The following LANCL1 variants were observed in gnomAD, a reference collection of about 807,000 sequenced individuals.
The protein encoded by LANCL1 is LanC like glutathione S-transferase 1.
In LANCL1, 50 loss-of-function variants were observed where a neutral mutation model predicts 50.6. That is an observed-to-expected ratio of 0.99 (90% CI 0.79 to 1.25). The LOEUF is 1.25. LANCL1 is among the 50% of genes most tolerant of loss of function. The pLI is 0.00. For missense variants in LANCL1, 532 were observed against 480.7 expected (o/e 1.11, Z -1.00); for synonymous variants, 188 against 178.6 (o/e 1.05, Z -0.42).
At chr2:210,461,748 A>AT (rs55934873) in intron 3 of LANCL1, among the ~76,000 whole-genome samples, 63,650 of 144,934 alleles carry the variant, frequency 0.44, 14,204 homozygotes, top group East Asian at 0.63. Flanking sequence ...TCCTGTATGT[A>AT]TTTTTTTTTT....
Position 210,434,453 on chromosome 2 carries a change from T to A in LANCL1, c.*34A>T. 6.4e-7 allele frequency: 1 copy of A among 1,551,766 alleles called. No homozygotes were observed. ...CTTGGGTTTGAATATACAGAAAGGG[T>A]CATGCAGTGAGTTGCAGGTGGCATG... On this transcript the variant is annotated 3_prime_UTR_variant, in exon 10 of 10. Transcript: ENST00000450366.
chr2:210,436,167 C>T lies in LANCL1; in HGVS notation c.1050+49G>A, dbSNP rs374131613. The T allele has an allele frequency of 5.2e-6, 8 of 1,546,076 alleles. 1 individual carries two copies. In the African/African-American group the frequency reaches 9.5e-5, roughly 18 times the overall value. The stretch of plus-strand genomic sequence containing the variant: ...CAGCCTCCCAAAGTGCTGAGATTTA[C>T]AGGTGTGAGCCACCGAGCTGCTTTC... On this transcript the variant is annotated intron_variant, in intron 8 of 9. Coordinates refer to ENST00000450366, the MANE Select transcript of LANCL1 (RefSeq NM_006055.3).
At chr2:210,452,338 C>A (rs1166848931) in intron 4 of LANCL1, among the ~76,000 whole-genome samples, 1 of 152,040 alleles carries the variant, frequency 6.6e-6, no homozygotes, top group Non-Finnish European at 1.5e-5. Flanking sequence ...TAAGTACTGG[C>A]CCCAAAGCAC....
At chr2:210,461,719 A>G (rs895260974) in intron 3 of LANCL1, among the ~76,000 whole-genome samples, 1 of 151,412 alleles carries the variant, frequency 6.6e-6, no homozygotes, top group East Asian at 2.0e-4. Context: ...CATGTCTTTC[A>G]GAACAGAAGT....
chr2:210,476,654 C>T lies in LANCL1; in HGVS notation c.-51G>A, dbSNP rs1694390221. 8.0e-7 allele frequency: 1 copy of T among 1,246,880 alleles called. No homozygotes were observed. The highest frequency in any genetic ancestry group is 2.4e-5 in the South Asian group (1 of 41,908). The allele number at this position is 1,246,880 out of a possible 1,614,324, so 77.2% of individuals were successfully genotyped here. A position where few individuals can be genotyped will look rare whatever the true frequency, so the allele number is the denominator to read the frequency against. On this transcript the variant is annotated 5_prime_UTR_variant, in exon 1 of 10. Transcript: ENST00000450366. ...GAGGCCCCGTTTTGCAACCCCGTTC[C>T]CACGCCCGCGACTTGAAGCAAGTGC...
rs755320550 is a variant in LANCL1, at chr2:210,436,392, C to A, written c.874G>T (p.Val292Leu). Reference protein sequence around the residue: ...VIYMLIQAYKVFREEKYLCDA... With the variant: ...VIYMLIQAYKLFREEKYLCDA... ...CAGAGATACTTTTCCTCTCTGAATA[C>A]CTGCAGAGGCAAAGGACACATTTTA... is the stretch of plus-strand genomic sequence containing the variant. The change falls in exon 8 of 10, where the codon GTA (valine) becomes TTA (leucine). Residue 292 changes from valine to leucine, a missense_variant and splice_region_variant. Transcript: ENST00000450366. 6 of 1,612,726 alleles carry A rather than the reference C, an allele frequency of 3.7e-6. No individual in the cohort carries two copies. The highest frequency in any genetic ancestry group is 3.3e-5 in the Admixed American group (2 of 59,980).
At chr2:210,442,318 T>G (rs1043768124) in intron 4 of LANCL1, among the ~76,000 whole-genome samples, 4 of 152,350 alleles carry the variant, frequency 2.6e-5, no homozygotes, top group African/African-American at 7.2e-5. Flanking sequence ...TTTGTGTGTA[T>G]TCCTAGATTT....
In LANCL1 at chr2:210,437,760, T is replaced by C; in HGVS notation, c.803A>G (p.Asn268Ser). The C allele has an allele frequency of 6.2e-7, 1 of 1,612,916 alleles. No homozygotes were observed. The highest frequency in any genetic ancestry group is 1.3e-5 in the African/African-American group (1 of 75,022). The change falls in exon 7 of 10, where the codon AAT (asparagine) becomes AGT (serine). Residue 268 changes from asparagine (N) to serine (S), a missense_variant. By Grantham distance (46) the Asn-to-Ser change is conservative (BLOSUM62 1). Coordinates refer to ENST00000450366, the MANE Select transcript of LANCL1 (RefSeq NM_006055.3). ...SGNYPPCIGD[N>S]RDLLVHWCHG... is the part of the protein sequence containing the mutation. ...GCACCAATGGACAAGCAGATCTCGA[T>C]TATCACCTATACATGGAGGGTAATT...
Position 210,434,416 on chromosome 2 carries a change from G to A in LANCL1, c.*71C>T, listed in dbSNP as rs1428587365. The A allele has an allele frequency of 6.1e-6, 7 of 1,152,228 alleles. No individual in the cohort carries two copies. The highest frequency in any genetic ancestry group is 2.0e-4 in the Middle Eastern group (1 of 5,040). The allele number at this position is 1,152,228 out of a possible 1,614,324, so 71.4% of individuals were successfully genotyped here. On this transcript the variant is annotated 3_prime_UTR_variant, in exon 10 of 10. Transcript: ENST00000450366. ...ACTCTTTGTTTCCTTGGAAAGCAAC[G>A]GAAGCACTTAGCTTGGGTTTGAATA...
At chr2:210,444,981 G>A (rs1181966936) in intron 4 of LANCL1, among the ~76,000 whole-genome samples, 2 of 151,346 alleles carry the variant, frequency 1.3e-5, no homozygotes, top group Non-Finnish European at 2.9e-5. Flanking sequence ...GTAACGTTGG[G>A]GCCATAAGAA....
rs1559704790 is a variant in LANCL1, at chr2:210,436,246, C to CTGTGTG, written c.1014_1019dup (p.Thr339_Gln340insHisThr). Reference sequence around the variant, plus strand: ...AGGCCCTATACAGGTACTTCATGTCCTGTGTGAGGTTGTAGAGTGTCAGGA... The same window carrying CTGTGTG: ...AGGCCCTATACAGGTACTTCATGTCCTGTGTGTGTGTGAGGTTGTAGAGTGTCAGGA... On this transcript the variant is annotated inframe_insertion, in exon 8 of 10. Transcript: ENST00000450366. 6.2e-7 allele frequency: 1 copy of CTGTGTG among 1,613,872 alleles called. No homozygotes were observed. Among genetic ancestry groups the CTGTGTG allele is most frequent in the East Asian group, 2.2e-5 (1 of 44,852 alleles).
intron 4 of LANCL1, among the ~76,000 whole-genome samples, chr2:210,449,330 C>T (rs555240771): frequency 1.3e-5 from 2 of 152,262 alleles, no homozygotes; most frequent in African/African-American, 4.8e-5. Context: ...TCTGAATAAA[C>T]TAGGTATTGA....
intron 3 of LANCL1, among the ~76,000 whole-genome samples, chr2:210,462,454 G>C (rs1693893422): frequency 6.6e-6 from 1 of 152,170 alleles, no homozygotes; most frequent in South Asian, 2.1e-4. Flanking sequence ...GAGAATTTTG[G>C]TGAAAAGAAC....
At chr2:210,449,212 A>G (rs1204358214) in intron 4 of LANCL1, among the ~76,000 whole-genome samples, 1 of 152,232 alleles carries the variant, frequency 6.6e-6, no homozygotes, top group Non-Finnish European at 1.5e-5. Flanking sequence ...ACAAATCAAT[A>G]AATGTAATCC....
chr2:210,464,104 AACCTGTACAT>A (rs1413986777), intron 3 of LANCL1, among the ~76,000 whole-genome samples: 1 of 152,238 alleles, frequency 6.6e-6, no homozygotes, highest in Admixed American at 6.5e-5. Flanking sequence ...TTTCTATTTA[AACCTGTACAT>A]ATCACCCTTA....
chr2:210,453,725 A>G (rs1693577497), intron 4 of LANCL1, among the ~76,000 whole-genome samples: 1 of 152,198 alleles, frequency 6.6e-6, no homozygotes, highest in Non-Finnish European at 1.5e-5. Context: ...AACATCAGCT[A>G]TGTAAAAAAA....
At position 210,455,187 on chromosome 2, in the gene LANCL1, C is replaced by T; in HGVS notation, c.327G>A (p.Gly109=). The T allele has an allele frequency of 6.2e-7, 1 of 1,613,684 alleles. No homozygotes were observed. Among genetic ancestry groups the T allele is most frequent in the Non-Finnish European group, 8.5e-7 (1 of 1,179,742 alleles). Residue 109 remains glycine (G), a synonymous_variant, in exon 4 of 10, where the codon GGG becomes GGA. Transcript: ENST00000450366. The part of the protein sequence containing the change: ...LTKRSITFLC[G]DAGPLAVAAV... Reference sequence around the variant, plus strand: ...CGGCCACTGCCAGGGGGCCTGCATCCCCACAAAGGAAGGTGATGGAGCGCT... The same window carrying T: ...CGGCCACTGCCAGGGGGCCTGCATCTCCACAAAGGAAGGTGATGGAGCGCT...
intron 4 of LANCL1, among the ~76,000 whole-genome samples, chr2:210,454,778 C>A (rs567673314): frequency 6.6e-6 from 1 of 152,316 alleles, no homozygotes; most frequent in South Asian, 2.1e-4. Flanking sequence ...CCCAGCCCAC[C>A]TGTAGGAACT....
rs1008623519 is a variant in LANCL1, at chr2:210,438,102, T to C, written c.691-230A>G. On this transcript the variant is annotated intron_variant, in intron 6 of 9. Coordinates refer to ENST00000450366, the MANE Select transcript of LANCL1 (RefSeq NM_006055.3). ...AAGTAAAATTGCTATCAGTTAACTC[T>C]TAGGGCCTTTTGTATATATGGTTTT... Among the ~76,000 whole-genome samples, 9 of 151,986 alleles carry C rather than the reference T, an allele frequency of 5.9e-5. No homozygotes were observed. The South Asian group carries it at 1.0e-3, about 18-fold the overall frequency.
Sources: gnomAD v4.1 joint callset for allele counts (sites outside exome capture counted in the v4.1 genomes callset) on GRCh38, gnomAD v4.1.1 for gene constraint, MANE v1.5 for transcripts, NCBI Gene and HGNC (gene_info 2026-07-23, HGNC 2026-07-21) for gene names.